Variants in C8orf34 observed in about 807,000 individuals in gnomAD.
C8orf34 encodes the protein uncharacterized protein C8orf34.
A neutral mutation model predicts 68.3 loss-of-function variants in C8orf34; 65 were observed. The ratio of observed to expected loss-of-function variants is 0.95; its 90% CI spans 0.78 to 1.17. The LOEUF (loss-of-function observed/expected upper bound fraction) is 1.17, where lower values mean the gene tolerates loss of function less well. Among genes scored for constraint, C8orf34 ranks in the 50% most tolerant of loss-of-function variants. The pLI, the probability that C8orf34 is intolerant of heterozygous loss-of-function variation, is 0.00. For synonymous variants in C8orf34, 244 were observed against 241.2 expected (o/e 1.01, Z -0.11); for missense variants, 664 against 655.4 (o/e 1.01, Z -0.14).
At chr8:68,722,999 C>G (rs1490741306) in intron 10 of C8orf34, among the ~76,000 whole-genome samples, 1 of 151,960 alleles carries the variant, frequency 6.6e-6, no homozygotes, top group East Asian at 1.9e-4. Flanking sequence ...GATATCTAAC[C>G]TATAGATAAG....
chr8:68,673,873 C>A (rs552017080), intron 8 of C8orf34, among the ~76,000 whole-genome samples: 1 of 152,300 alleles, frequency 6.6e-6, no homozygotes, highest in Non-Finnish European at 1.5e-5. Flanking sequence ...ACAGTCCCAG[C>A]TGTGGTGACC....
At chr8:68,653,554 G>C (rs1031002399) in intron 8 of C8orf34, among the ~76,000 whole-genome samples, 2 of 152,172 alleles carry the variant, frequency 1.3e-5, no homozygotes, top group African/African-American at 4.8e-5. Context: ...TAGCTCTAGA[G>C]GCTGGAAGTC....
At chr8:68,759,721 T>A (rs1822972149) in intron 10 of C8orf34, among the ~76,000 whole-genome samples, 1 of 152,226 alleles carries the variant, frequency 6.6e-6, no homozygotes, top group African/African-American at 2.4e-5. Context: ...TGCATGTTTG[T>A]TTAAAATTCA....
At chr8:68,711,845 A>G (rs563817082) in intron 9 of C8orf34, among the ~76,000 whole-genome samples, 31 of 152,272 alleles carry the variant, frequency 2.0e-4, no homozygotes, top group African/African-American at 7.5e-4. Context: ...ACACCTGGGA[A>G]ATTTATTGCA....
intron 4 of C8orf34, among the ~76,000 whole-genome samples, chr8:68,475,706 T>C (rs1812584378): frequency 6.6e-6 from 1 of 152,224 alleles, no homozygotes; most frequent in African/African-American, 2.4e-5. Context: ...ACCAGCAGTT[T>C]TTTATTTCAT....
At chr8:68,550,452 T>G (rs116138202) in intron 7 of C8orf34, among the ~76,000 whole-genome samples, 1 of 151,866 alleles carries the variant, frequency 6.6e-6, no homozygotes, top group Non-Finnish European at 1.5e-5. Flanking sequence ...CATACACACA[T>G]GTGTAATTTA....
At chr8:68,522,520 G>A (rs1176133275) in intron 6 of C8orf34, among the ~76,000 whole-genome samples, 2 of 152,034 alleles carry the variant, frequency 1.3e-5, no homozygotes, top group Non-Finnish European at 2.9e-5. Context: ...GCTATTATTT[G>A]TAAATGTGAA....
chr8:68,338,751 A>G (rs891164159), intron 1 of C8orf34, among the ~76,000 whole-genome samples: 2 of 152,158 alleles, frequency 1.3e-5, no homozygotes, highest in African/African-American at 2.4e-5. Flanking sequence ...TGACTGAACC[A>G]TATGGTAGGT....
intron 12 of C8orf34, among the ~76,000 whole-genome samples, chr8:68,798,141 G>GTTTA (rs113226715): frequency 0.29 from 44,498 of 151,062 alleles, 7,273 homozygotes; most frequent in African/African-American, 0.44. Context: ...TTATTTATTT[G>GTTTA]TTTATTTATT....
intron 1 of C8orf34, among the ~76,000 whole-genome samples, chr8:68,345,360 T>A (rs919994459): frequency 6.6e-6 from 1 of 151,948 alleles, no homozygotes; most frequent in Non-Finnish European, 1.5e-5. Flanking sequence ...AAGTACTCCA[T>A]GATATACTTT....
At chr8:68,587,613 A>G (rs1291880247) in intron 7 of C8orf34, among the ~76,000 whole-genome samples, 1 of 152,152 alleles carries the variant, frequency 6.6e-6, no homozygotes, top group Non-Finnish European at 1.5e-5. Context: ...AAATAAAACT[A>G]AGAAAATGAA....
intron 1 of C8orf34, among the ~76,000 whole-genome samples, chr8:68,356,939 C>A (rs1265230749): frequency 6.6e-6 from 1 of 152,024 alleles, no homozygotes; most frequent in Admixed American, 6.6e-5. Flanking sequence ...AGCTAGATTG[C>A]AGTGAGAAGA....
Position 68,688,620 on chromosome 8 carries a change from G to A in C8orf34, c.1242-20374G>A, listed in dbSNP as rs190230562. Among the ~76,000 whole-genome samples, 19 of 152,228 alleles carry A rather than the reference G, an allele frequency of 1.2e-4. 1 individual carries two copies. Among genetic ancestry groups the A allele is most frequent in the African/African-American group, 3.4e-4 (14 of 41,560 alleles). On this transcript the variant is annotated intron_variant, in intron 8 of 13. Coordinates refer to ENST00000518698, the MANE Select transcript of C8orf34 (RefSeq NM_052958.4). ...TAATGATAGCCTGGATTAAGAAAAC[G>A]TGGTACATATACACCATGGAATACT...
At chr8:68,471,925 AACACACAC>A (rs10596354) in intron 4 of C8orf34, among the ~76,000 whole-genome samples, 52,557 of 147,318 alleles carry the variant, frequency 0.36, 10,079 homozygotes, top group East Asian at 0.53. Flanking sequence ...GACTTAAATG[AACACACAC>A]ACACACACAC....
intron 8 of C8orf34, among the ~76,000 whole-genome samples, chr8:68,642,684 T>C (rs868602898): frequency 3.9e-5 from 6 of 152,170 alleles, no homozygotes; most frequent in African/African-American, 1.4e-4. Flanking sequence ...GACTATTCCA[T>C]AACAGACCAT....
At chr8:68,548,935 C>A (rs1440639700) in intron 7 of C8orf34, among the ~76,000 whole-genome samples, 1 of 151,736 alleles carries the variant, frequency 6.6e-6, no homozygotes, top group Non-Finnish European at 1.5e-5. Flanking sequence ...GATGCCCTAA[C>A]CCCAATGGGA....
chr8:68,776,406 C>T lies in C8orf34; in HGVS notation c.1412C>T (p.Ala471Val), dbSNP rs762747214. The T allele has an allele frequency of 6.2e-7, 1 of 1,612,596 alleles. No individual in the cohort carries two copies. Among genetic ancestry groups the T allele is most frequent in the South Asian group, 1.1e-5 (1 of 90,994 alleles). Residue 471 changes from alanine to valine, a missense_variant, in exon 11 of 14, where the codon GCC (alanine) becomes GTC (valine). Ala to Val is a moderately conservative substitution (Grantham distance 64). Transcript: ENST00000518698. ...KASKLTGPGE[A>V]SSGVGHSLKN... ...CTTCCTCTTTACTTCTAGGGAGAAGCCTCCAGTGGAGTAGGACACTCACTG... is the reference window on the plus strand; with the variant it reads ...CTTCCTCTTTACTTCTAGGGAGAAGTCTCCAGTGGAGTAGGACACTCACTG...
At chr8:68,438,274 C>G (rs1294106581) in intron 1 of C8orf34, 1 of 151,906 alleles carries the variant, frequency 6.6e-6, no homozygotes, top group East Asian at 1.9e-4. Flanking sequence ...AACTGGTGAG[C>G]AAATGTTAAA....
chr8:68,727,805 A>G (rs1310513333), intron 10 of C8orf34, among the ~76,000 whole-genome samples: 1 of 152,124 alleles, frequency 6.6e-6, no homozygotes, highest in Admixed American at 6.5e-5. Flanking sequence ...GACACAGGGC[A>G]CCAAGTCCCT....
Sources: gnomAD v4.1 joint callset for allele counts (sites outside exome capture counted in the v4.1 genomes callset) on GRCh38, gnomAD v4.1.1 for gene constraint, MANE v1.5 for transcripts, NCBI Gene and HGNC (gene_info 2026-07-23, HGNC 2026-07-21) for gene names.